The following NRXN3 variants were observed in gnomAD, a reference collection of about 807,000 sequenced individuals.
NRXN3 encodes the protein neurexin III.
Under a neutral mutation model 137.6 loss-of-function variants are expected in NRXN3, and 32 were observed. That is an observed-to-expected ratio of 0.23 (90% CI 0.18 to 0.31). NRXN3 has a LOEUF of 0.31. Among genes scored for constraint, NRXN3 ranks in the 10% least tolerant of loss-of-function variants. The pLI, the probability that NRXN3 is intolerant of heterozygous loss-of-function variation, is 1.00. For missense variants in NRXN3, 1,574 were observed against 2,062.5 expected, an observed-to-expected ratio of 0.76 and a Z score of 4.59; for synonymous variants, 798 against 784.5, an observed-to-expected ratio of 1.02 and a Z score of -0.29.
At chr14:78,817,918 T>C (rs2098939052) in intron 10 of NRXN3, among the ~76,000 whole-genome samples, 2 of 152,046 alleles carry the variant, frequency 1.3e-5, no homozygotes, top group African/African-American at 4.8e-5. Context: ...TAGCAAGATA[T>C]ATGGATATAA....
chr14:78,862,889 T>C (rs1041974066), intron 10 of NRXN3, among the ~76,000 whole-genome samples: 1 of 152,182 alleles, frequency 6.6e-6, no homozygotes, highest in Non-Finnish European at 1.5e-5. Flanking sequence ...TAAAATATAA[T>C]TTTGCAGGTC....
chr14:78,545,877 A>C (rs1350067120), intron 4 of NRXN3, among the ~76,000 whole-genome samples: 5 of 152,188 alleles, frequency 3.3e-5, no homozygotes, highest in Non-Finnish European at 7.4e-5. Context: ...TTACTTTATA[A>C]AAATTTTTTC....
At chr14:79,370,628 T>C (rs1325215976) in intron 15 of NRXN3, among the ~76,000 whole-genome samples, 1 of 152,126 alleles carries the variant, frequency 6.6e-6, no homozygotes, top group Non-Finnish European at 1.5e-5. Flanking sequence ...AAGTTTATGT[T>C]AAATAACTCG....
chr14:79,652,353 A>C (rs554826783), intron 16 of NRXN3, among the ~76,000 whole-genome samples: 1 of 152,258 alleles, frequency 6.6e-6, no homozygotes, highest in South Asian at 2.1e-4. Context: ...AATGTCAAAA[A>C]ATAAATGCTT....
chr14:79,191,439 T>A (rs2064296430), intron 15 of NRXN3, among the ~76,000 whole-genome samples: 1 of 152,152 alleles, frequency 6.6e-6, no homozygotes, highest in Non-Finnish European at 1.5e-5. Context: ...CCTGCCCAAT[T>A]TTAAAGGTGT....
At position 79,697,921 on chromosome 14, in the gene NRXN3, C is replaced by G; in HGVS notation, c.3998C>G (p.Ser1333Cys). ...ACTACCACAACCCGTAAGAATCGCT[C>G]TACAGCCAGCATTCAGGTAGGCCTT... ...MATTTTRKNR[S>C]TASIQPTSDD... The change falls in exon 19 of 21, where the codon TCT (serine) becomes TGT (cysteine). Residue 1333 changes from serine to cysteine, a missense_variant. Physicochemically the swap from Ser to Cys is moderately radical, Grantham distance 112. This residue lies in a region of NRXN3 where 320 missense variants were observed against 387.1 expected (regional missense o/e 0.83). Transcript: ENST00000335750. 1 of 1,609,994 alleles carries G rather than the reference C, an allele frequency of 6.2e-7. No homozygotes were observed. The highest frequency in any genetic ancestry group is 8.5e-7 in the Non-Finnish European group (1 of 1,176,738).
chr14:79,304,544 A>G (rs1232684169), intron 15 of NRXN3, among the ~76,000 whole-genome samples: 2 of 152,116 alleles, frequency 1.3e-5, no homozygotes, highest in Admixed American at 6.5e-5. Context: ...GAACTAAGCT[A>G]TTATAAAGAG....
At chr14:78,395,526 G>C (rs76046029) in intron 4 of NRXN3, among the ~76,000 whole-genome samples, 4,022 of 151,936 alleles carry the variant, frequency 0.026, 157 homozygotes, top group African/African-American at 0.085. Context: ...ATTATTAATA[G>C]ATACTGTTAG....
rs2084979208 is a variant in NRXN3 at position 78,360,664 on chromosome 14, C to T, written c.757+62804C>T. ...ACACGTAAGGTACTTAGAACAATGC[C>T]TGCACATAGTAAGGGTTCAAGAAAA... On this transcript the variant is annotated intron_variant, in intron 4 of 20. Transcript: ENST00000335750. 2.0e-5 allele frequency among the ~76,000 whole-genome samples: 3 copies of T among 152,270 alleles called. No individual in the cohort carries two copies. In the South Asian group the frequency reaches 6.2e-4, roughly 32 times the overall value.
At chr14:78,681,131 A>G (rs1364368618) in intron 6 of NRXN3, among the ~76,000 whole-genome samples, 2 of 152,166 alleles carry the variant, frequency 1.3e-5, no homozygotes, top group Middle Eastern at 3.2e-3. Context: ...AATTCTTTCT[A>G]TGACACAGTC....
chr14:78,187,265 G>T (rs1595716694), intron 1 of NRXN3, among the ~76,000 whole-genome samples: 4 of 145,478 alleles, frequency 2.7e-5, no homozygotes, highest in South Asian at 2.2e-4. Context: ...GTGTGTGTGT[G>T]TTTTTTTTTT....
chr14:79,282,409 C>G (rs576625958), intron 15 of NRXN3, among the ~76,000 whole-genome samples: 1 of 152,110 alleles, frequency 6.6e-6, no homozygotes, highest in African/African-American at 2.4e-5. Context: ...ATCTTTTGTT[C>G]GGGTTGTAAA....
intron 16 of NRXN3, 23 bp downstream of exon 16, chr14:79,467,425 G>T: frequency 6.4e-7 from 1 of 1,559,522 alleles, no homozygotes. Context: ...CCTTGGCCTG[G>T]ATTTTCTTAT....
At position 78,636,423 on chromosome 14, in the gene NRXN3, T is replaced by C. The variant is rs74064164; in HGVS notation, c.758-8697T>C. 2.4e-3 allele frequency among the ~76,000 whole-genome samples: 365 copies of C among 152,142 alleles called. 2 individuals are homozygous for C. Among genetic ancestry groups the C allele is most frequent in the African/African-American group, 8.4e-3 (347 of 41,528 alleles). On this transcript the variant is annotated intron_variant, in intron 4 of 20. Coordinates refer to ENST00000335750, the MANE Select transcript of NRXN3 (RefSeq NM_001330195.2). Reference sequence around the variant, plus strand: ...TAAAAGGCAGGTCACCTGGGAATAGTGACTATCTAATTACGAAATGTAGAA... The same window carrying C: ...TAAAAGGCAGGTCACCTGGGAATAGCGACTATCTAATTACGAAATGTAGAA...
intron 4 of NRXN3, among the ~76,000 whole-genome samples, chr14:78,576,112 T>G (rs1304726530): frequency 1.3e-5 from 2 of 152,232 alleles, no homozygotes; most frequent in South Asian, 4.1e-4. Flanking sequence ...AATATTATCA[T>G]AATTAATGCA....
chr14:79,149,208 A>G (rs2059575208), intron 15 of NRXN3, among the ~76,000 whole-genome samples: 1 of 152,130 alleles, frequency 6.6e-6, no homozygotes, highest in Non-Finnish European at 1.5e-5. Context: ...GAGGGAAGCC[A>G]GATCATTTCC....
chr14:78,255,911 A>G (rs1270106948), intron 2 of NRXN3, among the ~76,000 whole-genome samples: 1 of 152,204 alleles, frequency 6.6e-6, no homozygotes, highest in Non-Finnish European at 1.5e-5. Flanking sequence ...TGAATAAATT[A>G]ATCAATGAAG....
At chr14:78,563,139 A>G (rs2096802927) in intron 4 of NRXN3, among the ~76,000 whole-genome samples, 1 of 152,244 alleles carries the variant, frequency 6.6e-6, no homozygotes, top group South Asian at 2.1e-4. Context: ...AAGAAGGGCT[A>G]TCTGAAGAAA....
chr14:79,365,209 C>A (rs1031451963), intron 15 of NRXN3, among the ~76,000 whole-genome samples: 7 of 152,026 alleles, frequency 4.6e-5, no homozygotes, highest in African/African-American at 1.7e-4. Context: ...TGATTGATTT[C>A]TCGGTTTGCA....
Sources: allele counts gnomAD v4.1 joint callset (sites outside exome capture counted in the v4.1 genomes callset), GRCh38; gene constraint gnomAD v4.1.1; regional missense constraint gnomAD v4.1.1; transcripts MANE v1.5; gene names NCBI Gene and HGNC (gene_info 2026-07-23, HGNC 2026-07-21).